NTRK3: variants seen among roughly 807,000 people sequenced by gnomAD.
NTRK3 encodes the protein neurotrophic receptor tyrosine kinase 3.
A neutral mutation model predicts 91.7 loss-of-function variants in NTRK3; 24 were observed. The ratio of observed to expected loss-of-function variants is 0.26; its 90% CI spans 0.19 to 0.37. NTRK3 has a LOEUF of 0.37. Ranked by LOEUF, NTRK3 falls within the 10% of genes least tolerant of loss-of-function variation. The pLI is 1.00. For missense variants in NTRK3, 880 were observed against 1,068.9 expected, an observed-to-expected ratio of 0.82 and a Z score of 2.46; for synonymous variants, 483 against 404.0, an observed-to-expected ratio of 1.20 and a Z score of -2.34.
chr15:87,898,716 T>C (rs1044893225), intron 17 of NTRK3, among the ~76,000 whole-genome samples: 1 of 150,686 alleles, frequency 6.6e-6, no homozygotes, highest in Non-Finnish European at 1.5e-5. Flanking sequence ...CTGGGTGCTG[T>C]GGCTCACGCC....
chr15:88,146,996 T>C (rs1385242802), intron 6 of NTRK3, among the ~76,000 whole-genome samples: 2 of 152,124 alleles, frequency 1.3e-5, no homozygotes, highest in Non-Finnish European at 2.9e-5. Context: ...TGCCTAATAG[T>C]CTATAAAGTT....
chr15:88,075,706 C>T (rs551111426), intron 13 of NTRK3, among the ~76,000 whole-genome samples: 3 of 152,172 alleles, frequency 2.0e-5, no homozygotes, highest in South Asian at 2.1e-4. Flanking sequence ...TCTCTTGCTT[C>T]GGTTCCATGA....
chr15:88,115,815 C>T (rs1344016438), intron 13 of NTRK3, among the ~76,000 whole-genome samples: 1 of 152,072 alleles, frequency 6.6e-6, no homozygotes, highest in Non-Finnish European at 1.5e-5. Flanking sequence ...TCTCTGAGGC[C>T]GGCGGGCAGC....
At chr15:88,016,696 T>C (rs905651262) in intron 14 of NTRK3, among the ~76,000 whole-genome samples, 1 of 152,250 alleles carries the variant, frequency 6.6e-6, no homozygotes, top group African/African-American at 2.4e-5. Flanking sequence ...GGACAGGCTT[T>C]GCAGCCGGGA....
intron 14 of NTRK3, among the ~76,000 whole-genome samples, chr15:87,981,867 A>AG (rs1219539093): frequency 6.6e-6 from 1 of 152,156 alleles, no homozygotes; most frequent in Non-Finnish European, 1.5e-5. Flanking sequence ...AGGAGATGAG[A>AG]GGAGGTGGTG....
intron 14 of NTRK3, among the ~76,000 whole-genome samples, chr15:87,952,967 G>T (rs1196880688): frequency 6.6e-6 from 1 of 152,138 alleles, no homozygotes; most frequent in Admixed American, 6.5e-5. Flanking sequence ...CGCGTGGGCA[G>T]CCACAGCTCA....
intron 14 of NTRK3, among the ~76,000 whole-genome samples, chr15:88,007,175 G>A (rs1464055440): frequency 6.6e-6 from 1 of 152,230 alleles, no homozygotes; most frequent in Non-Finnish European, 1.5e-5. Context: ...GATAGCTTGA[G>A]TTATATTCAT....
At chr15:88,104,469 C>T (rs2050497071) in intron 13 of NTRK3, among the ~76,000 whole-genome samples, 1 of 152,164 alleles carries the variant, frequency 6.6e-6, no homozygotes, top group Non-Finnish European at 1.5e-5. Context: ...AACAGTCTTT[C>T]ACGAGGCTAA....
At chr15:88,094,787 A>G (rs1324960385) in intron 13 of NTRK3, among the ~76,000 whole-genome samples, 1 of 152,122 alleles carries the variant, frequency 6.6e-6, no homozygotes, top group African/African-American at 2.4e-5. Context: ...TAAACACTTG[A>G]TTTACTCCCA....
chr15:87,984,990 T>C (rs193175586), intron 14 of NTRK3, among the ~76,000 whole-genome samples: 1 of 152,328 alleles, frequency 6.6e-6, no homozygotes, highest in Admixed American at 6.5e-5. Context: ...TACTAGGTTA[T>C]AGGCTGTGCA....
chr15:88,194,206 G>A (rs147271791), intron 3 of NTRK3, among the ~76,000 whole-genome samples: 149 of 152,226 alleles, frequency 9.8e-4, no homozygotes, highest in Admixed American at 3.0e-3. Flanking sequence ...AGGCTCCTTC[G>A]CTGATGTCGT....
chr15:88,219,853 T>A (rs914732628), intron 3 of NTRK3, among the ~76,000 whole-genome samples: 2 of 152,186 alleles, frequency 1.3e-5, no homozygotes, highest in African/African-American at 2.4e-5. Flanking sequence ...GGCAGCATTA[T>A]CCCCACTGCA....
At chr15:87,985,295 C>T (rs1298982260) in intron 14 of NTRK3, among the ~76,000 whole-genome samples, 3 of 152,140 alleles carry the variant, frequency 2.0e-5, no homozygotes, top group Non-Finnish European at 4.4e-5. Context: ...CTGTGTCTTC[C>T]GCATTGCCTG....
At chr15:88,062,378 G>A (rs978334308) in intron 13 of NTRK3, among the ~76,000 whole-genome samples, 1 of 152,194 alleles carries the variant, frequency 6.6e-6, no homozygotes, top group African/African-American at 2.4e-5. Context: ...CTGAGCACAT[G>A]TCTTCCCAAC....
chr15:88,089,328 A>G (rs1277882026), intron 13 of NTRK3, among the ~76,000 whole-genome samples: 1 of 152,078 alleles, frequency 6.6e-6, no homozygotes, highest in East Asian at 1.9e-4. Flanking sequence ...ATTTAACCCA[A>G]CCATTCCATT....
intron 13 of NTRK3, among the ~76,000 whole-genome samples, chr15:88,035,224 T>C (rs2078966429): frequency 6.6e-6 from 1 of 152,100 alleles, no homozygotes; most frequent in South Asian, 2.1e-4. Context: ...GATCACTATG[T>C]GAAAGGACAA....
At chr15:88,016,523 G>A (rs553930909) in intron 14 of NTRK3, among the ~76,000 whole-genome samples, 1 of 152,346 alleles carries the variant, frequency 6.6e-6, no homozygotes, top group African/African-American at 2.4e-5. Flanking sequence ...AGCTGTGTCA[G>A]AACTAAGCAG....
chr15:87,997,231 CA>C (rs898726430), intron 14 of NTRK3, among the ~76,000 whole-genome samples: 1 of 152,150 alleles, frequency 6.6e-6, no homozygotes, highest in Non-Finnish European at 1.5e-5. Flanking sequence ...GTGCTTCATA[CA>C]ATTGTCTGGC....
chr15:88,080,950 C>T (rs2047987052), intron 13 of NTRK3, among the ~76,000 whole-genome samples: 1 of 152,236 alleles, frequency 6.6e-6, no homozygotes, highest in Non-Finnish European at 1.5e-5. Context: ...ATGAAAGTGC[C>T]ACTACATGGC....
Sources: allele counts gnomAD v4.1 joint callset (sites outside exome capture counted in the v4.1 genomes callset), GRCh38; gene constraint gnomAD v4.1.1; transcripts MANE v1.5; gene names NCBI Gene and HGNC (gene_info 2026-07-23, HGNC 2026-07-21).